The following MMP16 variants were observed in gnomAD, a reference collection of about 807,000 sequenced individuals.
The protein encoded by MMP16 is matrix metallopeptidase 16, also known as matrix metalloproteinase-16.
Under a neutral mutation model 67.8 loss-of-function variants are expected in MMP16, and 12 were observed. The ratio of observed to expected loss-of-function variants is 0.18; its 90% CI spans 0.11 to 0.29. The LOEUF is 0.29. Ranked by LOEUF, MMP16 falls within the 10% of genes least tolerant of loss-of-function variation. The pLI, the probability that MMP16 is intolerant of heterozygous loss-of-function variation, is 1.00. For missense variants in MMP16, 475 were observed against 765.7 expected (o/e 0.62, Z 4.48); for synonymous variants, 249 against 255.9 (o/e 0.97, Z 0.26).
At chr8:88,319,334 T>C (rs1342960491) in intron 1 of MMP16, among the ~76,000 whole-genome samples, 1 of 152,094 alleles carries the variant, frequency 6.6e-6, no homozygotes, top group Non-Finnish European at 1.5e-5. Context: ...TTTACTTTAT[T>C]AACGATGACA....
At chr8:88,232,430 A>T (rs1225718451) in intron 1 of MMP16, among the ~76,000 whole-genome samples, 2 of 152,178 alleles carry the variant, frequency 1.3e-5, no homozygotes, top group African/African-American at 2.4e-5. Context: ...CATACTAAAT[A>T]GATTAACTAC....
chr8:88,163,622 T>C (rs549195697), intron 4 of MMP16, among the ~76,000 whole-genome samples: 52 of 152,228 alleles, frequency 3.4e-4, no homozygotes, highest in Non-Finnish European at 6.6e-4. Context: ...ATTACTTCTG[T>C]AGATGCTTGT....
At chr8:88,170,033 G>A (rs1808774594) in intron 3 of MMP16, among the ~76,000 whole-genome samples, 1 of 152,186 alleles carries the variant, frequency 6.6e-6, no homozygotes, top group Non-Finnish European at 1.5e-5. Flanking sequence ...AGAGATGATG[G>A]TGCTTTGGAC....
intron 6 of MMP16, among the ~76,000 whole-genome samples, chr8:88,085,695 T>TA (rs1233195266): frequency 1.3e-5 from 2 of 152,116 alleles, no homozygotes; most frequent in African/African-American, 2.4e-5. Context: ...ATGTCATAGT[T>TA]ACCATTTGGA....
intron 4 of MMP16, among the ~76,000 whole-genome samples, chr8:88,137,704 G>A (rs1054085868): frequency 6.6e-6 from 1 of 151,768 alleles, no homozygotes; most frequent in Non-Finnish European, 1.5e-5. Flanking sequence ...CACATTTGAA[G>A]TATCTTAATT....
chr8:88,213,833 A>G (rs1809548167), intron 1 of MMP16, among the ~76,000 whole-genome samples: 1 of 152,102 alleles, frequency 6.6e-6, no homozygotes, highest in Non-Finnish European at 1.5e-5. Flanking sequence ...AAAATAAATG[A>G]CTGTTCCTTC....
At chr8:88,255,175 C>T (rs1401508638) in intron 1 of MMP16, among the ~76,000 whole-genome samples, 1 of 152,020 alleles carries the variant, frequency 6.6e-6, no homozygotes, top group Non-Finnish European at 1.5e-5. Context: ...TGTTGCCCTC[C>T]CCATGGTAAT....
rs367988529 is a variant in MMP16 at position 88,172,329 on chromosome 8, A to G, written c.405-4356T>C. 8.5e-5 allele frequency among the ~76,000 whole-genome samples: 13 copies of G among 152,284 alleles called. No homozygotes were observed. The South Asian group carries it at 2.7e-3, about 32-fold the overall frequency. On this transcript the variant is annotated intron_variant, in intron 3 of 9. Coordinates refer to ENST00000286614, the MANE Select transcript of MMP16 (RefSeq NM_005941.5). Reference sequence around the variant, plus strand: ...TGATCTCTGACAACACATTTTATGTAGTAAAAAAATAAATAAATACAAGAT... The same window carrying G: ...TGATCTCTGACAACACATTTTATGTGGTAAAAAAATAAATAAATACAAGAT...
intron 7 of MMP16, among the ~76,000 whole-genome samples, chr8:88,063,127 T>C (rs1276204794): frequency 1.3e-5 from 2 of 152,120 alleles, no homozygotes; most frequent in Admixed American, 1.3e-4. Flanking sequence ...GTTTTATAAA[T>C]AGAATAGCTT....
chr8:88,034,910 A>G lies in MMP16; in HGVS notation c.*6551T>C, dbSNP rs1196640296. 2.0e-5 allele frequency: 3 copies of G among 152,040 alleles called. No individual in the cohort carries two copies. The highest frequency in any genetic ancestry group is 4.4e-5 in the Non-Finnish European group (3 of 67,950). 9.4% of individuals were successfully genotyped at this position (152,040 alleles called of 1,614,324 possible). Reference sequence around the variant, plus strand: ...CTATCCTAGGAAAATGCATCCTACCATGCAGTCACATCTCACCAAAGCTTC... The same window carrying G: ...CTATCCTAGGAAAATGCATCCTACCGTGCAGTCACATCTCACCAAAGCTTC... On this transcript the variant is annotated 3_prime_UTR_variant, in exon 10 of 10. Coordinates refer to ENST00000286614, the MANE Select transcript of MMP16 (RefSeq NM_005941.5).
intron 1 of MMP16, among the ~76,000 whole-genome samples, chr8:88,252,683 AC>A: frequency 6.6e-6 from 1 of 151,824 alleles, no homozygotes; most frequent in Middle Eastern, 3.4e-3. Flanking sequence ...AACCAAATTA[AC>A]AGACTTGCAG....
At chr8:88,264,210 A>G (rs1271426560) in intron 1 of MMP16, among the ~76,000 whole-genome samples, 1 of 151,850 alleles carries the variant, frequency 6.6e-6, no homozygotes, top group Non-Finnish European at 1.5e-5. Flanking sequence ...ACACACATAC[A>G]TTTCTAGAGA....
chr8:88,232,458 A>G (rs568391640), intron 1 of MMP16, among the ~76,000 whole-genome samples: 47 of 152,188 alleles, frequency 3.1e-4, no homozygotes, highest in Admixed American at 1.1e-3. Context: ...GAGAGCTCTC[A>G]TTACTATATA....
At chr8:88,048,517 G>C (rs551122514) in intron 8 of MMP16, among the ~76,000 whole-genome samples, 9 of 152,118 alleles carry the variant, frequency 5.9e-5, no homozygotes, top group Non-Finnish European at 1.2e-4. Flanking sequence ...ATTGCTCTAT[G>C]CATTATTTTA....
intron 4 of MMP16, among the ~76,000 whole-genome samples, chr8:88,165,780 A>C (rs1191344873): frequency 6.6e-6 from 1 of 152,066 alleles, no homozygotes; most frequent in Non-Finnish European, 1.5e-5. Context: ...CAGACCTGCA[A>C]TATAAACTAT....
At chr8:88,074,465 A>G in intron 7 of MMP16, 140 bp downstream of exon 7, 1 of 681,464 alleles carries the variant, frequency 1.5e-6, no homozygotes, top group Non-Finnish European at 2.2e-6. Flanking sequence ...AATTATCTTC[A>G]TTTATATTTC....
intron 1 of MMP16, among the ~76,000 whole-genome samples, chr8:88,248,590 C>A (rs1810156931): frequency 2.0e-5 from 3 of 151,986 alleles, no homozygotes; most frequent in Non-Finnish European, 4.4e-5. Flanking sequence ...TTGCCCGATC[C>A]TCCTGGATTA....
chr8:88,070,593 C>G (rs1228327564), intron 7 of MMP16, among the ~76,000 whole-genome samples: 1 of 152,060 alleles, frequency 6.6e-6, no homozygotes, highest in Admixed American at 6.6e-5. Context: ...GCTCTCTCCT[C>G]TATGTTACTT....
chr8:88,288,993 G>A (rs1211114706), intron 1 of MMP16, among the ~76,000 whole-genome samples: 1 of 152,154 alleles, frequency 6.6e-6, no homozygotes, highest in Non-Finnish European at 1.5e-5. Context: ...GTACAAAAGA[G>A]GCAAGGGCCT....
Sources: allele counts gnomAD v4.1 joint callset (sites outside exome capture counted in the v4.1 genomes callset), GRCh38; gene constraint gnomAD v4.1.1; transcripts MANE v1.5; gene names NCBI Gene and HGNC (gene_info 2026-07-23, HGNC 2026-07-21).